The following SCN7A variants were observed in gnomAD, a reference collection of about 807,000 sequenced individuals.
SCN7A encodes the protein sodium voltage-gated channel alpha subunit 7, also known as sodium channel protein type 7 subunit alpha.
Under a neutral mutation model 155.2 loss-of-function variants are expected in SCN7A, and 138 were observed. The observed-to-expected ratio is 0.89, with a 90% CI of 0.77 to 1.02. SCN7A has a LOEUF of 1.02. SCN7A is among the 50% of genes least tolerant of loss of function. SCN7A has a pLI of 0.00. For synonymous variants in SCN7A, 693 were observed against 649.0 expected, an observed-to-expected ratio of 1.07 and a Z score of -1.03; for missense variants, 2,058 against 1,986.6, an observed-to-expected ratio of 1.04 and a Z score of -0.68.
Position 166,432,668 on chromosome 2 carries a change from G to T in SCN7A, c.2242C>A (p.Leu748Ile), listed in dbSNP as rs370503967. 3.6e-5 allele frequency: 58 copies of T among 1,606,962 alleles called. No individual in the cohort carries two copies. In the African/African-American group the frequency reaches 7.4e-4, roughly 20 times the overall value. Residue 748 changes from leucine to isoleucine, a missense_variant, in exon 16 of 26, where the codon CTC becomes ATC. Coordinates refer to ENST00000643258, the MANE Select transcript of SCN7A (RefSeq NM_002976.4). Reference protein sequence around the residue: ...TAEENNEAKNLQLAVARIKKG... With the variant: ...TAEENNEAKNIQLAVARIKKG... ...TTAATTCTTGCCACTGCAAGCTGGA[G>T]ATTTTTTGCTTCATTATTCTCTTCA...
At position 166,405,851 on chromosome 2, in the gene SCN7A, T is replaced by A; in HGVS notation, c.4778A>T (p.Glu1593Val). 2.5e-6 allele frequency: 4 copies of A among 1,613,134 alleles called. No individual in the cohort carries two copies. The highest frequency in any genetic ancestry group is 3.4e-6 in the Non-Finnish European group (4 of 1,179,386). ...KRVMGQDVRM[E>V]KVVSEIESGF... ...TGATTCTATTTCTGAAACAACTTTC[T>A]CCATCCTCACATCTTGACCCATAAC... is the stretch of plus-strand genomic sequence containing the variant. Residue 1593 changes from glutamate (E) to valine (V), a missense_variant, in exon 26 of 26, where the codon GAG becomes GTG. Transcript: ENST00000643258.
chr2:166,459,306 T>C (rs1229971981), intron 10 of SCN7A, among the ~76,000 whole-genome samples: 1 of 152,136 alleles, frequency 6.6e-6, no homozygotes, highest in East Asian at 1.9e-4. Flanking sequence ...TCTAGTTTTA[T>C]TACATTTTAG....
chr2:166,415,636 A>G (rs1054618246), intron 21 of SCN7A, among the ~76,000 whole-genome samples: 3 of 152,144 alleles, frequency 2.0e-5, no homozygotes, highest in Admixed American at 6.6e-5. Context: ...TCATTTTAAC[A>G]TGGACATTTG....
At chr2:166,419,902 C>T (rs1701475696) in intron 20 of SCN7A, among the ~76,000 whole-genome samples, 1 of 152,002 alleles carries the variant, frequency 6.6e-6, no homozygotes, top group Non-Finnish European at 1.5e-5. Flanking sequence ...GTATTTACTA[C>T]ATAATCAAAA....
intron 8 of SCN7A, 48 bp from the exon 9 acceptor site, chr2:166,465,579 C>G: frequency 4.3e-6 from 6 of 1,410,776 alleles, no homozygotes; most frequent in Non-Finnish European, 5.9e-6. Context: ...TATGAGTTAG[C>G]ACCACAGTAG....
intron 7 of SCN7A, among the ~76,000 whole-genome samples, chr2:166,467,164 TCA>T (rs1273767939): frequency 6.6e-6 from 1 of 151,838 alleles, no homozygotes; most frequent in Admixed American, 6.6e-5. Context: ...ATACACATGT[TCA>T]CATAGTTTTC....
At position 166,457,002 on chromosome 2, in the gene SCN7A, T is replaced by C. The variant is rs371789045; in HGVS notation, c.1158A>G (p.Ala386=). ...VVSFLFSFYM[A]SLFLGILAMA... Reference sequence around the variant, plus strand: ...TGGCAAGTATGCCTAAGAACAAACTTGCCATATAAAAGGAAAACAAAAAAC... The same window carrying C: ...TGGCAAGTATGCCTAAGAACAAACTCGCCATATAAAAGGAAAACAAAAAAC... Residue 386 remains alanine, a synonymous_variant, in exon 11 of 26, where the codon GCA becomes GCG. Coordinates refer to ENST00000643258, the MANE Select transcript of SCN7A (RefSeq NM_002976.4). 8 of 1,610,744 alleles carry C rather than the reference T, an allele frequency of 5.0e-6. No homozygotes were observed. Among genetic ancestry groups the C allele is most frequent in the Non-Finnish European group, 6.8e-6 (8 of 1,178,750 alleles).
At chr2:166,443,885 A>G (rs1286260950) in intron 13 of SCN7A, among the ~76,000 whole-genome samples, 2 of 152,226 alleles carry the variant, frequency 1.3e-5, no homozygotes, top group African/African-American at 4.8e-5. Flanking sequence ...CACTATATAC[A>G]GAATCTTTTA....
intron 5 of SCN7A, among the ~76,000 whole-genome samples, chr2:166,473,221 G>T (rs919913926): frequency 1.3e-5 from 2 of 151,596 alleles, no homozygotes; most frequent in African/African-American, 4.8e-5. Flanking sequence ...TAGCTGAGAG[G>T]TGATAGTCTT....
intron 14 of SCN7A, among the ~76,000 whole-genome samples, chr2:166,442,971 G>A (rs1701990894): frequency 6.6e-6 from 1 of 152,148 alleles, no homozygotes; most frequent in Non-Finnish European, 1.5e-5. Flanking sequence ...ACCAGAATGT[G>A]ACCATGTATA....
chr2:166,461,448 C>T (rs573728384), intron 10 of SCN7A, among the ~76,000 whole-genome samples: 16 of 152,124 alleles, frequency 1.1e-4, no homozygotes, highest in East Asian at 3.9e-4. Context: ...TAATTAGTTA[C>T]GAATACAGAC....
chr2:166,459,708 C>A (rs1055788423), intron 10 of SCN7A, among the ~76,000 whole-genome samples: 1 of 152,054 alleles, frequency 6.6e-6, no homozygotes, highest in African/African-American at 2.4e-5. Context: ...TTCCCAATAG[C>A]AAAGACTTGG....
At chr2:166,485,772 G>C (rs1236172971) in intron 2 of SCN7A, among the ~76,000 whole-genome samples, 1 of 152,130 alleles carries the variant, frequency 6.6e-6, no homozygotes, top group Non-Finnish European at 1.5e-5. Context: ...AGTTTCTCCA[G>C]ATGTTCTCGA....
Position 166,462,307 on chromosome 2 carries a change from A to G in SCN7A, c.1083+82T>C, listed in dbSNP as rs946444630. 4 of 1,379,698 alleles carry G rather than the reference A, an allele frequency of 2.9e-6. No individual in the cohort carries two copies. In the African/African-American group the frequency reaches 5.8e-5, roughly 20 times the overall value. The allele number at this position is 1,379,698 out of a possible 1,614,324, so 85.5% of individuals were successfully genotyped here. A position where few individuals can be genotyped will look rare whatever the true frequency, so the allele number is the denominator to read the frequency against. ...TCTTCTGCACATAAAAATTTAAAAA[A>G]CTATATTACATTTGACCATTATCTT... On this transcript the variant is annotated intron_variant, in intron 10 of 25. Coordinates refer to ENST00000643258, the MANE Select transcript of SCN7A (RefSeq NM_002976.4).
chr2:166,464,551 C>T (rs4476366), intron 9 of SCN7A, among the ~76,000 whole-genome samples: 105,672 of 152,054 alleles, frequency 0.69, 36,877 homozygotes, highest in African/African-American at 0.75. Flanking sequence ...GAGGTTTTTA[C>T]TAATGTAAAT....
At chr2:166,488,496 G>A (rs1703101303) in intron 1 of SCN7A, among the ~76,000 whole-genome samples, 1 of 152,102 alleles carries the variant, frequency 6.6e-6, no homozygotes, top group African/African-American at 2.4e-5. Flanking sequence ...TAACTCTGTA[G>A]AGACATAATT....
chr2:166,410,360 C>G, intron 23 of SCN7A, 36 bp from the exon 24 acceptor site: 3 of 1,417,534 alleles, frequency 2.1e-6, no homozygotes, highest in Non-Finnish European at 2.9e-6. Context: ...TAAAATCACA[C>G]TTAATCCAAA....
intron 21 of SCN7A, among the ~76,000 whole-genome samples, chr2:166,416,270 C>T (rs1384631157): frequency 6.6e-6 from 1 of 152,062 alleles, no homozygotes; most frequent in Non-Finnish European, 1.5e-5. Context: ...CTGATTTTGC[C>T]CTTGTCCTGT....
rs566493146 is a variant in SCN7A at position 166,418,274 on chromosome 2, C to A, written c.3136-1289G>T. ...TAGCTGACATTACAGGCACACGCCACCCCGCCAGGCTTTTTTTTTTTTTTT... is the reference window on the plus strand; with the variant it reads ...TAGCTGACATTACAGGCACACGCCAACCCGCCAGGCTTTTTTTTTTTTTTT... On this transcript the variant is annotated intron_variant, in intron 20 of 25. Transcript: ENST00000643258. Among the ~76,000 whole-genome samples, 93 of 142,954 alleles carry A rather than the reference C, an allele frequency of 6.5e-4. 1 individual carries two copies. The South Asian group carries it at 6.7e-3, about 10-fold the overall frequency. The allele number at this position is 142,954 out of a possible 152,430, so 93.8% of individuals were successfully genotyped here. A position where few individuals can be genotyped will look rare whatever the true frequency, so the allele number is the denominator to read the frequency against.
Sources: gnomAD v4.1 joint callset for allele counts (sites outside exome capture counted in the v4.1 genomes callset) on GRCh38, gnomAD v4.1.1 for gene constraint, MANE v1.5 for transcripts, NCBI Gene and HGNC (gene_info 2026-07-23, HGNC 2026-07-21) for gene names.